Variants in TAFA2 observed in about 807,000 individuals in gnomAD.
TAFA2 encodes TAFA chemokine like family member 2.
A neutral mutation model predicts 18.8 loss-of-function variants in TAFA2; 7 were observed. The ratio of observed to expected loss-of-function variants is 0.37; its 90% CI spans 0.21 to 0.70. The LOEUF (loss-of-function observed/expected upper bound fraction) is 0.70. Among genes scored for constraint, TAFA2 ranks in the 30% least tolerant of loss-of-function variants. The pLI is 0.53. For missense variants in TAFA2, 122 were observed against 158.1 expected, an observed-to-expected ratio of 0.77 and a Z score of 1.23; for synonymous variants, 60 against 54.2, an observed-to-expected ratio of 1.11 and a Z score of -0.47.
At chr12:61,793,680 A>G (rs1213985171) in intron 2 of TAFA2, among the ~76,000 whole-genome samples, 1 of 151,846 alleles carries the variant, frequency 6.6e-6, no homozygotes, top group African/African-American at 2.4e-5. Context: ...GGAAGAAATT[A>G]TACCAATTCT....
chr12:62,150,969 G>A (rs1351032822), intron 1 of TAFA2, among the ~76,000 whole-genome samples: 2 of 149,412 alleles, frequency 1.3e-5, no homozygotes, highest in Non-Finnish European at 3.0e-5. Flanking sequence ...ACTGAAATAG[G>A]CACATCCAAG....
chr12:62,240,554 TTATTAA>T (rs1311439508), intron 1 of TAFA2, among the ~76,000 whole-genome samples: 2 of 152,220 alleles, frequency 1.3e-5, no homozygotes, highest in Non-Finnish European at 2.9e-5. Context: ...AGTATTATTT[TTATTAA>T]TATTATCACT....
intron 1 of TAFA2, among the ~76,000 whole-genome samples, chr12:61,909,029 C>A (rs1038172939): frequency 6.6e-6 from 1 of 152,078 alleles, no homozygotes; most frequent in Non-Finnish European, 1.5e-5. Flanking sequence ...ACTTCACTGT[C>A]GGACAGTTAC....
At chr12:62,079,565 G>T (rs1868288749) in intron 1 of TAFA2, among the ~76,000 whole-genome samples, 1 of 151,828 alleles carries the variant, frequency 6.6e-6, no homozygotes, top group Admixed American at 6.6e-5. Context: ...TCGGGAGACG[G>T]AGGCAGGAGA....
intron 1 of TAFA2, among the ~76,000 whole-genome samples, chr12:62,037,238 A>G (rs1322064456): frequency 1.3e-5 from 2 of 152,170 alleles, no homozygotes; most frequent in Non-Finnish European, 2.9e-5. Flanking sequence ...TTCCTTCTCC[A>G]TCTGTGCTCG....
At chr12:62,048,970 T>C (rs1881980449) in intron 1 of TAFA2, among the ~76,000 whole-genome samples, 1 of 152,180 alleles carries the variant, frequency 6.6e-6, no homozygotes, top group Admixed American at 6.5e-5. Flanking sequence ...AGACTACCCA[T>C]GCAGCTGTTC....
chr12:61,932,045 C>A (rs942478792), intron 1 of TAFA2, among the ~76,000 whole-genome samples: 2 of 152,114 alleles, frequency 1.3e-5, no homozygotes, highest in Non-Finnish European at 2.9e-5. Flanking sequence ...ATCATTGAAT[C>A]ATTTAAAATT....
intron 1 of TAFA2, among the ~76,000 whole-genome samples, chr12:62,070,923 T>C (rs1350766215): frequency 6.6e-6 from 1 of 152,160 alleles, no homozygotes; most frequent in Non-Finnish European, 1.5e-5. Flanking sequence ...AATCTGAACA[T>C]ACGAAATAAA....
At chr12:61,962,702 C>T (rs1474071448) in intron 1 of TAFA2, among the ~76,000 whole-genome samples, 2 of 151,974 alleles carry the variant, frequency 1.3e-5, no homozygotes, top group Non-Finnish European at 2.9e-5. Context: ...GTAAAACATG[C>T]ATTACTTATG....
intron 1 of TAFA2, among the ~76,000 whole-genome samples, chr12:62,025,747 A>G (rs890551007): frequency 2.0e-5 from 3 of 152,166 alleles, no homozygotes; most frequent in African/African-American, 7.2e-5. Context: ...ATAATGAAAA[A>G]GATGTCTTAT....
At chr12:61,934,592 G>C (rs201043025) in intron 1 of TAFA2, among the ~76,000 whole-genome samples, 3 of 152,170 alleles carry the variant, frequency 2.0e-5, no homozygotes, top group African/African-American at 7.2e-5. Flanking sequence ...CAAGATTATT[G>C]TTTGCCTGGG....
chr12:62,059,541 C>T (rs1031287912), intron 1 of TAFA2, among the ~76,000 whole-genome samples: 6 of 150,198 alleles, frequency 4.0e-5, no homozygotes, highest in African/African-American at 1.5e-4. Flanking sequence ...AGCAGTGGGG[C>T]GGGGCGGGGG....
intron 2 of TAFA2, among the ~76,000 whole-genome samples, chr12:61,780,974 A>T (rs1235542670): frequency 6.6e-6 from 1 of 151,758 alleles, no homozygotes; most frequent in Non-Finnish European, 1.5e-5. Flanking sequence ...GAGTCAGACA[A>T]CTGTAATTTC....
chr12:62,050,768 T>C (rs1882031900), intron 1 of TAFA2, among the ~76,000 whole-genome samples: 1 of 152,168 alleles, frequency 6.6e-6, no homozygotes, highest in Non-Finnish European at 1.5e-5. Context: ...ATCTGAGCAT[T>C]CTTTTCCAGC....
intron 1 of TAFA2, among the ~76,000 whole-genome samples, chr12:62,204,603 G>T (rs370408811): frequency 1.3e-5 from 2 of 151,656 alleles, no homozygotes; most frequent in Non-Finnish European, 2.9e-5. Context: ...AAATTTTTTC[G>T]TCTGCTTGGT....
intron 4 of TAFA2, among the ~76,000 whole-genome samples, chr12:61,715,941 T>A (rs1025867735): frequency 6.6e-6 from 1 of 151,536 alleles, no homozygotes; most frequent in African/African-American, 2.4e-5. Context: ...AAATAAAAAT[T>A]AAGAAAAAAA....
chr12:61,724,076 C>T (rs1485250535), intron 4 of TAFA2, among the ~76,000 whole-genome samples: 1 of 152,122 alleles, frequency 6.6e-6, no homozygotes, highest in Admixed American at 6.6e-5. Context: ...CATGCAATCA[C>T]TTATGTGCAT....
intron 1 of TAFA2, among the ~76,000 whole-genome samples, chr12:62,153,940 T>C (rs202198482): frequency 1.3e-5 from 2 of 149,768 alleles, no homozygotes; most frequent in Admixed American, 1.4e-4. Context: ...TGTTATGTTA[T>C]GTTATGTTAT....
rs560624129 is a variant in TAFA2, at chr12:61,828,225, T to C, written c.106+39095A>G. Among the ~76,000 whole-genome samples the C allele has an allele frequency of 3.9e-5, 6 of 151,994 alleles. No individual in the cohort carries two copies. In the East Asian group the frequency reaches 1.2e-3, roughly 29 times the overall value. ...GTGAGAGAGGAAGGAGGAAATTGAA[T>C]ACATTTTTCTTTAACTCAATAATCT... is the stretch of plus-strand genomic sequence containing the variant. On this transcript the variant is annotated intron_variant, in intron 2 of 4. Transcript: ENST00000416284.
Sources: gnomAD v4.1 joint callset for allele counts (sites outside exome capture counted in the v4.1 genomes callset) on GRCh38, gnomAD v4.1.1 for gene constraint, MANE v1.5 for transcripts, NCBI Gene and HGNC (gene_info 2026-07-23, HGNC 2026-07-21) for gene names.